FMN1: variants seen among roughly 807,000 people sequenced by gnomAD.
FMN1 encodes formin-1.
In FMN1, 110 loss-of-function variants were observed where a neutral mutation model predicts 132.4. The ratio of observed to expected loss-of-function variants is 0.83; its 90% CI spans 0.71 to 0.97. The LOEUF (loss-of-function observed/expected upper bound fraction) is 0.97, where lower values mean the gene tolerates loss of function less well. FMN1 is among the 50% of genes least tolerant of loss of function. FMN1 has a pLI of 0.00. For synonymous variants in FMN1, 722 were observed against 651.7 expected, an observed-to-expected ratio of 1.11 and a Z score of -1.64; for missense variants, 1,792 against 1,705.3, an observed-to-expected ratio of 1.05 and a Z score of -0.90.
Position 33,092,204 on chromosome 15 carries a change from C to T in FMN1, c.1868-3230G>A, listed in dbSNP as rs114863325. 5.7e-3 allele frequency among the ~76,000 whole-genome samples: 871 copies of T among 152,294 alleles called. 10 individuals are homozygous for T. Among genetic ancestry groups the T allele is most frequent in the African/African-American group, 0.02 (831 of 41,542 alleles). On this transcript the variant is annotated intron_variant, in intron 4 of 20. Transcript: ENST00000616417. ...ATGAGCTGCACTTCCTGATGCTAAC[C>T]TACAACATCAGACTGAGGTTTTGCT...
chr15:32,894,583 A>G (rs1203009928), intron 15 of FMN1, among the ~76,000 whole-genome samples: 2 of 152,152 alleles, frequency 1.3e-5, no homozygotes, highest in East Asian at 3.9e-4. Context: ...ACAAGGCAGA[A>G]TAAGATGCAT....
chr15:32,914,936 A>G (rs1016656575), intron 10 of FMN1, among the ~76,000 whole-genome samples: 1 of 152,266 alleles, frequency 6.6e-6, no homozygotes, highest in Non-Finnish European at 1.5e-5. Context: ...AAAGAAGTAG[A>G]TAAACAGATG....
chr15:33,107,540 T>C (rs1369281893), intron 4 of FMN1, among the ~76,000 whole-genome samples: 1 of 152,118 alleles, frequency 6.6e-6, no homozygotes, highest in African/African-American at 2.4e-5. Context: ...TTCTTGCTGT[T>C]TTGTAATGAC....
At position 33,122,815 on chromosome 15, in the gene FMN1, G is replaced by A. The variant is rs541309699; in HGVS notation, c.1867+30233C>T. Reference sequence around the variant, plus strand: ...CTGTTACATAATCTGAAAGAAGAGGGAACTGGAATATTTCTTATATATAGG... The same window carrying A: ...CTGTTACATAATCTGAAAGAAGAGGAAACTGGAATATTTCTTATATATAGG... On this transcript the variant is annotated intron_variant, in intron 4 of 20. Coordinates refer to ENST00000616417, the MANE Select transcript of FMN1 (RefSeq NM_001277313.2). Among the ~76,000 whole-genome samples, 7 of 152,264 alleles carry A rather than the reference G, an allele frequency of 4.6e-5. No homozygotes were observed. The South Asian group carries it at 6.2e-4, about 14-fold the overall frequency.
chr15:32,878,808 A>G (rs967797404), intron 16 of FMN1, among the ~76,000 whole-genome samples: 49 of 152,304 alleles, frequency 3.2e-4, no homozygotes, highest in African/African-American at 1.1e-3. Context: ...TTTTATTTCA[A>G]TATTTTATGT....
intron 4 of FMN1, among the ~76,000 whole-genome samples, chr15:33,128,566 T>G (rs373607133): frequency 6.6e-6 from 1 of 152,242 alleles, no homozygotes; most frequent in Non-Finnish European, 1.5e-5. Flanking sequence ...CGGAGTTTCT[T>G]GCTTCCGATG....
At chr15:33,134,957 G>A (rs555103670) in intron 4 of FMN1, among the ~76,000 whole-genome samples, 6 of 152,330 alleles carry the variant, frequency 3.9e-5, no homozygotes, top group African/African-American at 1.4e-4. Flanking sequence ...AGCCAAGATC[G>A]TGCCACTGCA....
chr15:32,966,256 G>C (rs1827669005), intron 8 of FMN1, among the ~76,000 whole-genome samples: 1 of 151,860 alleles, frequency 6.6e-6, no homozygotes. Context: ...TTGGCTTTGG[G>C]AGTCAACCGT....
At chr15:33,123,010 G>A (rs376392047) in intron 4 of FMN1, among the ~76,000 whole-genome samples, 4 of 151,022 alleles carry the variant, frequency 2.6e-5, no homozygotes, top group Non-Finnish European at 5.9e-5. Context: ...GGCCGAGAGA[G>A]GTTAAGTAAT....
intron 8 of FMN1, 131 bp downstream of exon 8, chr15:32,968,583 C>T: frequency 7.4e-7 from 1 of 1,352,816 alleles, no homozygotes; most frequent in South Asian, 1.6e-5. Flanking sequence ...CATTGTTTAT[C>T]CAAGCATTCA....
chr15:33,157,026 G>C (rs556126496), intron 3 of FMN1, among the ~76,000 whole-genome samples: 1 of 152,130 alleles, frequency 6.6e-6, no homozygotes, highest in African/African-American at 2.4e-5. Flanking sequence ...CCAGCACTTT[G>C]GGAGGCCGAG....
chr15:32,858,724 G>C (rs1243072481), intron 16 of FMN1, among the ~76,000 whole-genome samples: 1 of 152,100 alleles, frequency 6.6e-6, no homozygotes. Flanking sequence ...GAAACAACTA[G>C]AACAAATTCT....
At chr15:32,850,013 G>C (rs1034365985) in intron 17 of FMN1, among the ~76,000 whole-genome samples, 13 of 152,298 alleles carry the variant, frequency 8.5e-5, no homozygotes, top group Non-Finnish European at 1.3e-4. Context: ...TGATCCGGAA[G>C]TCACAAGAGA....
chr15:33,114,274 G>A (rs75840623), intron 4 of FMN1, among the ~76,000 whole-genome samples: 1 of 152,176 alleles, frequency 6.6e-6, no homozygotes, highest in Non-Finnish European at 1.5e-5. Flanking sequence ...CAAGGACGAG[G>A]AATGAAGCAG....
chr15:32,992,177 A>G (rs1288301533), intron 7 of FMN1, among the ~76,000 whole-genome samples: 1 of 152,194 alleles, frequency 6.6e-6, no homozygotes, highest in East Asian at 1.9e-4. Flanking sequence ...AGCAAAAGGA[A>G]AGGAGTTTCC....
intron 16 of FMN1, among the ~76,000 whole-genome samples, chr15:32,869,207 G>A (rs1000609722): frequency 6.6e-6 from 1 of 152,198 alleles, no homozygotes; most frequent in African/African-American, 2.4e-5. Context: ...GATCACTGGT[G>A]TTCTGCATTC....
intron 7 of FMN1, among the ~76,000 whole-genome samples, chr15:32,979,450 G>A (rs969120056): frequency 6.6e-6 from 1 of 151,506 alleles, no homozygotes; most frequent in Non-Finnish European, 1.5e-5. Flanking sequence ...CAGCTACTTG[G>A]GAGGCTGAGG....
At chr15:33,075,969 G>C (rs1454780344) in intron 5 of FMN1, among the ~76,000 whole-genome samples, 1 of 152,208 alleles carries the variant, frequency 6.6e-6, no homozygotes, top group East Asian at 1.9e-4. Flanking sequence ...TTACTGGCTA[G>C]AATCCTACTC....
At chr15:32,827,112 T>C (rs8039697) in intron 17 of FMN1, among the ~76,000 whole-genome samples, 31,494 of 152,090 alleles carry the variant, frequency 0.21, 3,654 homozygotes, top group East Asian at 0.52. Context: ...AAGTCTTATT[T>C]CCAAGGTTCA....
Sources: allele counts gnomAD v4.1 joint callset (sites outside exome capture counted in the v4.1 genomes callset), GRCh38; gene constraint gnomAD v4.1.1; transcripts MANE v1.5; gene names NCBI Gene and HGNC (gene_info 2026-07-23, HGNC 2026-07-21).